Variants in SDC2 observed in about 807,000 individuals in gnomAD.
SDC2 encodes the protein syndecan 2.
A neutral mutation model predicts 22.2 loss-of-function variants in SDC2; 13 were observed. That is an observed-to-expected ratio of 0.59 (90% CI 0.38 to 0.93). The LOEUF (loss-of-function observed/expected upper bound fraction) is 0.93, where lower values mean the gene tolerates loss of function less well. Among genes scored for constraint, SDC2 ranks in the 40% least tolerant of loss-of-function variants. The probability of loss-of-function intolerance (pLI) is 0.00; values close to 1 mark genes in which losing one functional copy is unlikely to be tolerated. For synonymous variants in SDC2, 94 were observed against 92.8 expected (o/e 1.01, Z -0.07); for missense variants, 235 against 246.8 (o/e 0.95, Z 0.32).
At chr8:96,594,922 G>C (rs555815971) in intron 2 of SDC2, among the ~76,000 whole-genome samples, 6 of 152,168 alleles carry the variant, frequency 3.9e-5, no homozygotes, top group Non-Finnish European at 8.8e-5. Context: ...AACAGCATGA[G>C]GGTAACTACT....
intron 1 of SDC2, among the ~76,000 whole-genome samples, chr8:96,557,852 A>C (rs1814144846): frequency 6.6e-6 from 1 of 152,196 alleles, no homozygotes. Flanking sequence ...TTGAACCAAG[A>C]ACACACTGTT....
chr8:96,564,996 A>AAAAAATGT (rs1225510320), intron 1 of SDC2, among the ~76,000 whole-genome samples: 1 of 151,648 alleles, frequency 6.6e-6, no homozygotes, highest in Non-Finnish European at 1.5e-5. Context: ...TTTATTCTTT[A>AAAAAATGT]AAAAATGTAC....
chr8:96,600,368 T>G (rs1374018477), intron 2 of SDC2, among the ~76,000 whole-genome samples: 1 of 152,328 alleles, frequency 6.6e-6, no homozygotes, highest in South Asian at 2.1e-4. Flanking sequence ...TGACAAATGA[T>G]CAACTTAAAA....
chr8:96,515,804 A>C (rs1220750966), intron 1 of SDC2, among the ~76,000 whole-genome samples: 1 of 152,198 alleles, frequency 6.6e-6, no homozygotes, highest in Non-Finnish European at 1.5e-5. Flanking sequence ...TATTTTTACC[A>C]GTGTGAGCTA....
intron 1 of SDC2, among the ~76,000 whole-genome samples, chr8:96,509,972 T>C (rs950505032): frequency 6.6e-6 from 1 of 152,134 alleles, no homozygotes; most frequent in African/African-American, 2.4e-5. Context: ...ATTCGAGAGG[T>C]CTTTAGACAG....
chr8:96,559,486 G>A (rs1266328637), intron 1 of SDC2, among the ~76,000 whole-genome samples: 1 of 152,180 alleles, frequency 6.6e-6, no homozygotes, highest in African/African-American at 2.4e-5. Flanking sequence ...GAGTGAAACT[G>A]CAGTTTAAAG....
At chr8:96,594,340 G>A (rs1814836385) in intron 2 of SDC2, among the ~76,000 whole-genome samples, 1 of 152,144 alleles carries the variant, frequency 6.6e-6, no homozygotes, top group African/African-American at 2.4e-5. Context: ...GCAGCTTTCG[G>A]GTACTCATAT....
intron 1 of SDC2, among the ~76,000 whole-genome samples, chr8:96,505,596 G>A (rs536483716): frequency 2.0e-5 from 3 of 152,084 alleles, no homozygotes; most frequent in Non-Finnish European, 4.4e-5. Flanking sequence ...CACCGCGCCC[G>A]GCCTGGAACC....
At chr8:96,589,940 TA>T (rs1292679912) in intron 1 of SDC2, among the ~76,000 whole-genome samples, 1 of 152,146 alleles carries the variant, frequency 6.6e-6, no homozygotes, top group Non-Finnish European at 1.5e-5. Context: ...AGGAGACAAG[TA>T]TGTATCTTGC....
chr8:96,601,298 G>A (rs1814978663), intron 2 of SDC2, among the ~76,000 whole-genome samples: 1 of 152,176 alleles, frequency 6.6e-6, no homozygotes, highest in Admixed American at 6.5e-5. Flanking sequence ...AGAAGATGAT[G>A]AGGACAAGAC....
intron 1 of SDC2, 111 bp from the exon 2 acceptor site, chr8:96,593,369 T>G: frequency 1.5e-6 from 1 of 674,388 alleles, no homozygotes; most frequent in Non-Finnish European, 2.6e-6. Flanking sequence ...GGATTCAGAC[T>G]ACTGTGGGAG....
chr8:96,561,121 C>A (rs993374512), intron 1 of SDC2, among the ~76,000 whole-genome samples: 2 of 151,992 alleles, frequency 1.3e-5, no homozygotes, highest in African/African-American at 4.8e-5. Context: ...TAATAATAAT[C>A]ATAATAATAA....
At chr8:96,550,490 C>T in intron 1 of SDC2, among the ~76,000 whole-genome samples, 1 of 152,188 alleles carries the variant, frequency 6.6e-6, no homozygotes, top group East Asian at 1.9e-4. Context: ...CAGAGGTAGA[C>T]AAATTCCACT....
chr8:96,541,019 ACTGT>A (rs1280256632), intron 1 of SDC2, among the ~76,000 whole-genome samples: 1 of 152,098 alleles, frequency 6.6e-6, no homozygotes, highest in Non-Finnish European at 1.5e-5. Flanking sequence ...ATTTAAGGAG[ACTGT>A]CTTTCAGTCT....
intron 1 of SDC2, among the ~76,000 whole-genome samples, chr8:96,579,233 TA>T (rs1814553572): frequency 6.6e-6 from 1 of 152,258 alleles, no homozygotes; most frequent in Non-Finnish European, 1.5e-5. Context: ...TTTTTTCTTC[TA>T]AACAGATAAC....
intron 1 of SDC2, among the ~76,000 whole-genome samples, chr8:96,520,818 A>C (rs554121360): frequency 1.3e-5 from 2 of 152,122 alleles, no homozygotes; most frequent in Non-Finnish European, 2.9e-5. Context: ...ACCTGCATTA[A>C]CCCTTGTGCC....
chr8:96,513,999 A>C (rs1813366515), intron 1 of SDC2, among the ~76,000 whole-genome samples: 1 of 152,210 alleles, frequency 6.6e-6, no homozygotes, highest in Admixed American at 6.5e-5. Flanking sequence ...AGTGCTGAGC[A>C]ACTTAAACTA....
intron 1 of SDC2, among the ~76,000 whole-genome samples, chr8:96,576,391 TTTACCAGATTTGCTTTATTATTCTC>T (rs1189456192): frequency 2.1e-4 from 21 of 100,362 alleles, no homozygotes; most frequent in African/African-American, 6.1e-4. Context: ...TTTGTTTTTT[TTTACCAGATTTGCTTTATTATTCTC>T]TTTTTTTTTT....
chr8:96,501,745 TTTCTCATCTCTAAAA>T (rs1484063044), intron 1 of SDC2, among the ~76,000 whole-genome samples: 1 of 152,196 alleles, frequency 6.6e-6, no homozygotes. Context: ...AGACCTCAGT[TTTCTCATCTCTAAAA>T]TGATGGAGTT....
Sources: allele counts gnomAD v4.1 joint callset (sites outside exome capture counted in the v4.1 genomes callset), GRCh38; gene constraint gnomAD v4.1.1; transcripts MANE v1.5; gene names NCBI Gene and HGNC (gene_info 2026-07-23, HGNC 2026-07-21).